Variants in SMCO4 observed in about 807,000 individuals in gnomAD.
The protein encoded by SMCO4 is single-pass membrane and coiled-coil domain-containing protein 4.
A neutral mutation model predicts 3.6 loss-of-function variants in SMCO4; 4 were observed. The ratio of observed to expected loss-of-function variants is 1.11; its 90% confidence interval spans 0.54 to 2.53. The LOEUF is 2.53. Among genes scored for constraint, SMCO4 ranks in the 30% most tolerant of loss-of-function variants. The pLI, the probability that SMCO4 is intolerant of heterozygous loss-of-function variation, is 0.02. For missense variants in SMCO4, 70 were observed against 80.8 expected, an observed-to-expected ratio of 0.87 and a Z score of 0.51; for synonymous variants, 36 against 35.3, an observed-to-expected ratio of 1.02 and a Z score of -0.07.
chr11:93,510,984 A>C (rs1948951566), intron 1 of SMCO4, among the ~76,000 whole-genome samples: 1 of 152,168 alleles, frequency 6.6e-6, no homozygotes, highest in South Asian at 2.1e-4. Context: ...CTGTATACCC[A>C]GCTACTGCGG....
chr11:93,546,086 T>C (rs1331821587), upstream of SMCO4, among the ~76,000 whole-genome samples: 1 of 152,194 alleles, frequency 6.6e-6, no homozygotes. Flanking sequence ...CACTAAGTGT[T>C]AGGGTGGTTT....
In SMCO4 at chr11:93,478,766, T is replaced by C; in HGVS notation, c.*244A>G. On this transcript the variant is annotated 3_prime_UTR_variant, in exon 3 of 3. Transcript: ENST00000298966. ...ACACACACACACATGCGCGCGCGCT[T>C]TGAAGTCTGAAAGGCACATGAAGTG... 9.7e-7 allele frequency: 1 copy of C among 1,032,838 alleles called. No individual in the cohort carries two copies. Among genetic ancestry groups the C allele is most frequent in the East Asian group, 3.3e-5 (1 of 30,606 alleles). 64.0% of individuals were successfully genotyped at this position (1,032,838 alleles called of 1,614,324 possible).
intron 1 of SMCO4, among the ~76,000 whole-genome samples, chr11:93,519,105 A>C (rs936385769): frequency 6.6e-6 from 1 of 152,222 alleles, no homozygotes; most frequent in African/African-American, 2.4e-5. Context: ...GACCAAGGGA[A>C]AGATACGAAA....
intron 2 of SMCO4, among the ~76,000 whole-genome samples, chr11:93,498,793 AG>A (rs1373657314): frequency 1.3e-5 from 2 of 152,322 alleles, no homozygotes; most frequent in Middle Eastern, 3.4e-3. Context: ...ACACAGGAGC[AG>A]GCCTCTTGTG....
intron 1 of SMCO4, among the ~76,000 whole-genome samples, chr11:93,534,034 T>C (rs1041056100): frequency 1.3e-5 from 2 of 151,624 alleles, no homozygotes; most frequent in African/African-American, 4.8e-5. Context: ...CTACTAAAAA[T>C]ACAAAAATTA....
rs573631406 is a variant in SMCO4, at chr11:93,486,357, T to C, written c.-80-7088A>G. ...ATCCCCTACAAGGCATGTGGACCAA[T>C]GGGACACAGATCAAGAGTCCAAGCC... is the stretch of plus-strand genomic sequence containing the variant. On this transcript the variant is annotated intron_variant, in intron 2 of 2. Transcript: ENST00000298966. Among the ~76,000 whole-genome samples the C allele has an allele frequency of 3.0e-4, 46 of 152,260 alleles. No individual in the cohort carries two copies. In the South Asian group the frequency reaches 9.3e-3, roughly 31 times the overall value.
At chr11:93,523,824 T>C (rs17642218) in intron 1 of SMCO4, among the ~76,000 whole-genome samples, 2,895 of 152,352 alleles carry the variant, frequency 0.019, 48 homozygotes, top group South Asian at 0.037. Flanking sequence ...TTAAAAATAC[T>C]GGGCATTTCT....
intron 1 of SMCO4, among the ~76,000 whole-genome samples, chr11:93,538,127 G>A (rs753314310): frequency 1.6e-4 from 25 of 152,208 alleles, no homozygotes; most frequent in Non-Finnish European, 2.9e-4. Flanking sequence ...GCGTCCTACC[G>A]ATGACAGGAC....
At chr11:93,548,400 A>G in the SMCO4 span, among the ~76,000 whole-genome samples, 1 of 152,226 alleles carries the variant, frequency 6.6e-6, no homozygotes, top group Non-Finnish European at 1.5e-5. Flanking sequence ...TTCTCACTTT[A>G]TAATCTCAGA....
chr11:93,494,837 T>A (rs564683259), intron 2 of SMCO4, among the ~76,000 whole-genome samples: 1 of 152,306 alleles, frequency 6.6e-6, no homozygotes, highest in East Asian at 1.9e-4. Context: ...TCCCTAGTAT[T>A]TAATTCTACA....
chr11:93,519,267 G>A lies in SMCO4; in HGVS notation c.-153-19919C>T, dbSNP rs11020397. Among the ~76,000 whole-genome samples, 775 of 152,266 alleles carry A rather than the reference G, an allele frequency of 5.1e-3. 35 individuals are homozygous for A. The East Asian group carries it at 0.075, about 15-fold the overall frequency. On this transcript the variant is annotated intron_variant, in intron 1 of 2. Coordinates refer to ENST00000298966, the MANE Select transcript of SMCO4 (RefSeq NM_020179.3). ...CTGTAACAAAGGAGGATGCACGAGT[G>A]CCTTTAAATTACATGAAAAAAAGAA...
the SMCO4 span, among the ~76,000 whole-genome samples, chr11:93,549,120 T>A: frequency 3.9e-5 from 6 of 152,300 alleles, no homozygotes; most frequent in South Asian, 4.1e-4. Flanking sequence ...TCAGTGGCCA[T>A]GAGTGTGTGT....
intron 1 of SMCO4, among the ~76,000 whole-genome samples, chr11:93,518,140 CT>C (rs1215166916): frequency 6.6e-6 from 1 of 152,168 alleles, no homozygotes; most frequent in Non-Finnish European, 1.5e-5. Flanking sequence ...CATTACTTTG[CT>C]TTTTCTCTAT....
At chr11:93,535,775 C>T (rs1191065773) in intron 1 of SMCO4, 2 of 1,609,800 alleles carry the variant, frequency 1.2e-6, no homozygotes, top group African/African-American at 2.8e-5. Context: ...AAGAACAAAA[C>T]TAAGAAGACC....
At chr11:93,508,487 G>A (rs1039808300) in intron 1 of SMCO4, among the ~76,000 whole-genome samples, 5 of 152,198 alleles carry the variant, frequency 3.3e-5, no homozygotes, top group Non-Finnish European at 7.3e-5. Flanking sequence ...AGAGCAGGAA[G>A]AGAAGAATAT....
intron 2 of SMCO4, among the ~76,000 whole-genome samples, chr11:93,484,688 C>T (rs1378249961): frequency 7.0e-6 from 1 of 143,812 alleles, no homozygotes; most frequent in Admixed American, 6.9e-5. Flanking sequence ...CCAGGGAATT[C>T]TTTTTTTTTT....
At chr11:93,551,374 G>C in the SMCO4 span, among the ~76,000 whole-genome samples, 1 of 152,124 alleles carries the variant, frequency 6.6e-6, no homozygotes, top group Non-Finnish European at 1.5e-5. Context: ...CCTCACCCAA[G>C]GCTTCTCTAT....
chr11:93,511,416 C>T (rs189153559), intron 1 of SMCO4, among the ~76,000 whole-genome samples: 2 of 151,970 alleles, frequency 1.3e-5, no homozygotes, highest in East Asian at 1.9e-4. Flanking sequence ...TGCATTATAA[C>T]GTTGATAAAA....
intron 2 of SMCO4, among the ~76,000 whole-genome samples, chr11:93,481,042 G>GAAA (rs11480853): frequency 6.7e-6 from 1 of 149,022 alleles, no homozygotes; most frequent in African/African-American, 2.5e-5. Context: ...GGAACAGAGA[G>GAAA]AAAAAAAAAA....
Sources: gnomAD v4.1 joint callset for allele counts (sites outside exome capture counted in the v4.1 genomes callset) on GRCh38, gnomAD v4.1.1 for gene constraint, MANE v1.5 for transcripts, NCBI Gene and HGNC (gene_info 2026-07-23, HGNC 2026-07-21) for gene names.